DERL2: variants seen among roughly 807,000 people sequenced by gnomAD.
The protein encoded by DERL2 is derlin-2.
A neutral mutation model predicts 32.0 loss-of-function variants in DERL2; 13 were observed. That is an observed-to-expected ratio of 0.41 (90% CI 0.26 to 0.65). DERL2 has a LOEUF of 0.65. Ranked by LOEUF, DERL2 falls within the 30% of genes least tolerant of loss-of-function variation. DERL2 has a pLI of 0.35. For synonymous variants in DERL2, 111 were observed against 104.7 expected (o/e 1.06, Z -0.37); for missense variants, 208 against 296.3 (o/e 0.70, Z 2.19).
At chr17:5,484,117 G>C (rs924217129) in intron 2 of DERL2, among the ~76,000 whole-genome samples, 1 of 152,216 alleles carries the variant, frequency 6.6e-6, no homozygotes, top group Non-Finnish European at 1.5e-5. Flanking sequence ...GAGTTCAATG[G>C]ATATAAAGTG....
At chr17:5,475,096 G>A (rs2151699482) in intron 6 of DERL2, among the ~76,000 whole-genome samples, 1 of 152,128 alleles carries the variant, frequency 6.6e-6, no homozygotes. Flanking sequence ...GTTATTCTTT[G>A]GGAATTTTTA....
At position 5,474,596 on chromosome 17, in the gene DERL2, T is replaced by C; in HGVS notation, c.*88A>G. ...TTAAAATCTGCCAAGCTGTCAAAAG[T>C]GTCCACACTTTTGCAACAAAGGATA... On this transcript the variant is annotated 3_prime_UTR_variant, in exon 7 of 7. Transcript: ENST00000158771. This position sits in a 1 kb window ranked among gnomAD's most constrained non-coding sequence, Gnocchi z 4.3. 3.0e-6 allele frequency: 3 copies of C among 983,764 alleles called. No homozygotes were observed. The highest frequency in any genetic ancestry group is 3.2e-5 in the South Asian group (2 of 63,072). 60.9% of individuals were successfully genotyped at this position (983,764 alleles called of 1,614,324 possible).
rs554562789 is a variant in DERL2 at position 5,473,191 on chromosome 17, C to T, written c.*1493G>A. 1.3e-5 allele frequency: 2 copies of T among 152,332 alleles called. No individual in the cohort carries two copies. Among genetic ancestry groups the T allele is most frequent in the South Asian group, 4.1e-4 (2 of 4,832 alleles). 9.4% of individuals were successfully genotyped at this position (152,332 alleles called of 1,614,324 possible). On this transcript the variant is annotated 3_prime_UTR_variant, in exon 7 of 7. Coordinates refer to ENST00000158771, the MANE Select transcript of DERL2 (RefSeq NM_016041.5). ...TGAATGAACTACTACTAACAATCCA[C>T]TTTTGGGAAAGGGACCTGTGCCTAC...
intron 6 of DERL2, among the ~76,000 whole-genome samples, chr17:5,477,041 G>A (rs945995206): frequency 6.6e-6 from 1 of 152,106 alleles, no homozygotes; most frequent in African/African-American, 2.4e-5. Context: ...TATCCCGAAA[G>A]ACTGGTTACA....
In DERL2 at chr17:5,472,494, A is replaced by C. The variant is rs950702654; in HGVS notation, c.*2190T>G. ...ATTACCACTGCTCAGGACACAGTGTAGTCAGTCACACAGCAGGGCATCCTG... is the reference window on the plus strand; with the variant it reads ...ATTACCACTGCTCAGGACACAGTGTCGTCAGTCACACAGCAGGGCATCCTG... On this transcript the variant is annotated 3_prime_UTR_variant, in exon 7 of 7. Transcript: ENST00000158771. The C allele has an allele frequency of 3.9e-5, 6 of 152,276 alleles. No individual in the cohort carries two copies. Among genetic ancestry groups the C allele is most frequent in the African/African-American group, 1.4e-4 (6 of 41,472 alleles). The allele number at this position is 152,276 out of a possible 1,614,324, so 9.4% of individuals were successfully genotyped here.
chr17:5,479,973 T>C, intron 6 of DERL2, 81 bp downstream of exon 6: 1 of 839,664 alleles, frequency 1.2e-6, no homozygotes, highest in South Asian at 1.6e-5. Flanking sequence ...TACTAGGAGC[T>C]AGGGGAGCCA....
chr17:5,482,579 A>C (rs1015741547), intron 3 of DERL2: 4 of 388,094 alleles, frequency 1.0e-5, no homozygotes, highest in Non-Finnish European at 1.9e-5. Context: ...ATTTGTAAGT[A>C]ACAAAAGAGC....
At chr17:5,477,683 T>C (rs948269750) in intron 6 of DERL2, among the ~76,000 whole-genome samples, 1 of 152,186 alleles carries the variant, frequency 6.6e-6, no homozygotes, top group Non-Finnish European at 1.5e-5. Context: ...TGATTTCCTA[T>C]AAGTTTGTTA....
chr17:5,472,781 AAAAAAAC>A lies in DERL2; in HGVS notation c.*1896_*1902del, dbSNP rs1365247406. ...TTCTAGCCCAAAAACAATTTAAAAA[AAAAAAAC>A]AAAAAACAAAATTCTAACAAACGTC... On this transcript the variant is annotated 3_prime_UTR_variant, in exon 7 of 7. Coordinates refer to ENST00000158771, the MANE Select transcript of DERL2 (RefSeq NM_016041.5). The A allele has an allele frequency of 1.3e-5, 2 of 152,188 alleles. No homozygotes were observed. Among genetic ancestry groups the A allele is most frequent in the African/African-American group, 2.4e-5 (1 of 41,466 alleles). The allele number at this position is 152,188 out of a possible 1,614,324, so 9.4% of individuals were successfully genotyped here. A position where few individuals can be genotyped will look rare whatever the true frequency, so the allele number is the denominator to read the frequency against.
intron 2 of DERL2, among the ~76,000 whole-genome samples, chr17:5,484,700 A>G (rs1258184715): frequency 6.6e-6 from 1 of 152,224 alleles, no homozygotes; most frequent in African/African-American, 2.4e-5. Context: ...GAGTTTCTGG[A>G]CCATGGTGAT....
chr17:5,486,627 A>G (rs1906342789), upstream of DERL2: 1 of 154,778 alleles, frequency 6.5e-6, no homozygotes, highest in African/African-American at 2.4e-5. Context: ...GCGGCGGTTT[A>G]AAGGAGGTGG....
intron 5 of DERL2, 48 bp downstream of exon 5, chr17:5,480,339 A>C (rs1207465688): frequency 5.2e-6 from 8 of 1,551,190 alleles, no homozygotes; most frequent in Non-Finnish European, 5.2e-6. Context: ...TAGTAACAAA[A>C]TACTTTTACA....
intron 6 of DERL2, among the ~76,000 whole-genome samples, chr17:5,476,649 C>T (rs768040396): frequency 6.6e-5 from 10 of 152,128 alleles, no homozygotes; most frequent in South Asian, 2.1e-4. Flanking sequence ...GGTGTGGTGG[C>T]GCATGCCTAT....
chr17:5,479,523 A>T (rs7224177), intron 6 of DERL2, among the ~76,000 whole-genome samples: 3 of 142,024 alleles, frequency 2.1e-5, no homozygotes, highest in African/African-American at 8.1e-5. Flanking sequence ...AAAAAAAAAA[A>T]AAAGAAAGAA....
At position 5,480,107 on chromosome 17, in the gene DERL2, A is replaced by G; in HGVS notation, c.561T>C (p.Asp187=). 6.2e-7 allele frequency: 1 copy of G among 1,610,528 alleles called. No homozygotes were observed. Among genetic ancestry groups the G allele is most frequent in the Non-Finnish European group, 8.5e-7 (1 of 1,177,124 alleles). Residue 187 remains aspartate, a synonymous_variant, in exon 6 of 7, where the codon GAT becomes GAC. Transcript: ENST00000158771. The part of the protein sequence containing the change: ...AVGHIYFFLE[D]VFPNQPGGIR... ...TTCCACCAGGTTGATTGGGAAATAC[A>G]TCTTCCAAGAAAAAATATATGTGTC...
At chr17:5,485,311 G>A in intron 1 of DERL2, 95 bp from the exon 2 acceptor site, 2 of 829,096 alleles carry the variant, frequency 2.4e-6, no homozygotes, top group Non-Finnish European at 1.9e-6. Flanking sequence ...TCCAACTCTC[G>A]GTCACTTAGA....
rs1274252023 is a variant in DERL2 at position 5,474,499 on chromosome 17, G to C, written c.*185C>G. On this transcript the variant is annotated 3_prime_UTR_variant, in exon 7 of 7. Coordinates refer to ENST00000158771, the MANE Select transcript of DERL2 (RefSeq NM_016041.5). The surrounding 1 kb of genome is among the most constrained non-coding windows in gnomAD (Gnocchi z 4.3). Reference sequence around the variant, plus strand: ...TACACTTTCAGTACCAGTGTAGTGAGGAACCACTGGCAAACTGTTGGAAAT... The same window carrying C: ...TACACTTTCAGTACCAGTGTAGTGACGAACCACTGGCAAACTGTTGGAAAT... The C allele has an allele frequency of 7.8e-6, 4 of 515,530 alleles. No individual in the cohort carries two copies. The highest frequency in any genetic ancestry group is 1.4e-5 in the Non-Finnish European group (4 of 293,114). 31.9% of individuals were successfully genotyped at this position (515,530 alleles called of 1,614,324 possible).
At position 5,480,475 on chromosome 17, in the gene DERL2, G is replaced by C. The variant is rs769852029; in HGVS notation, c.435C>G (p.Gly145=). 3.7e-6 allele frequency: 6 copies of C among 1,612,770 alleles called. No homozygotes were observed. The Admixed American group carries it at 8.4e-5, about 23-fold the overall frequency. ...GAAAGGGGGCCTGGAAGTTGAGAAG[G>C]CCGAAGAAGTTCATGCGGACATAGG... ...RNPYVRMNFF[G]LLNFQAPFLP... Residue 145 remains glycine (G), a synonymous_variant, in exon 5 of 7, where the codon GGC becomes GGG. Transcript: ENST00000158771.
At position 5,480,154 on chromosome 17, in the gene DERL2, A is replaced by G; in HGVS notation, c.524-10T>C. The G allele has an allele frequency of 1.3e-6, 2 of 1,565,968 alleles. No homozygotes were observed. Among genetic ancestry groups the G allele is most frequent in the Middle Eastern group, 1.7e-4 (1 of 5,948 alleles). On this transcript the variant is annotated splice_polypyrimidine_tract_variant and intron_variant, in intron 5 of 6. Coordinates refer to ENST00000158771, the MANE Select transcript of DERL2 (RefSeq NM_016041.5). ...TGTCCAACTGCAATACCTAGAGTCAAGCAGAAATAAAGGATGAGGGAGAGA... is the reference window on the plus strand; with the variant it reads ...TGTCCAACTGCAATACCTAGAGTCAGGCAGAAATAAAGGATGAGGGAGAGA...
Sources: gnomAD v4.1 joint callset for allele counts (sites outside exome capture counted in the v4.1 genomes callset) on GRCh38, gnomAD v4.1.1 for gene constraint, Gnocchi (gnomAD v3.1) non-coding constraint, MANE v1.5 for transcripts, NCBI Gene and HGNC (gene_info 2026-07-23, HGNC 2026-07-21) for gene names.